Variants in PIWIL3 observed in about 807,000 individuals in gnomAD.
PIWIL3 encodes piwi like RNA-mediated gene silencing 3, also known as piwi-like protein 3.
Under a neutral mutation model 109.7 loss-of-function variants are expected in PIWIL3, and 101 were observed. The observed-to-expected ratio is 0.92, with a 90% CI of 0.78 to 1.09. The LOEUF (loss-of-function observed/expected upper bound fraction) is 1.09. PIWIL3 is among the 50% of genes least tolerant of loss of function. PIWIL3 has a pLI of 0.00. For synonymous variants in PIWIL3, 373 were observed against 376.4 expected (o/e 0.99, Z 0.10); for missense variants, 1,031 against 1,072.6 (o/e 0.96, Z 0.54).
intron 17 of PIWIL3, 33 bp downstream of exon 17, chr22:24,725,412 T>G: frequency 6.2e-7 from 1 of 1,606,142 alleles, no homozygotes; most frequent in South Asian, 1.1e-5. Flanking sequence ...ACTTGTATAG[T>G]GTCGGGTTCC....
At chr22:24,729,204 TTTGTG>T (rs1251993108) in intron 14 of PIWIL3, among the ~76,000 whole-genome samples, 3 of 152,020 alleles carry the variant, frequency 2.0e-5, no homozygotes, top group Non-Finnish European at 4.4e-5. Flanking sequence ...TAGAAAAGCT[TTTGTG>T]TTTAACTGTA....
chr22:24,719,636 T>C, intron 20 of PIWIL3, 48 bp from the exon 21 acceptor site: 1 of 1,540,224 alleles, frequency 6.5e-7, no homozygotes, highest in Non-Finnish European at 8.8e-7. Context: ...TCACTTTACA[T>C]CTACTTTCCC....
In PIWIL3 at chr22:24,754,807, C is replaced by T. The variant is rs1224207983; in HGVS notation, c.750G>A (p.Lys250=). Residue 250 remains lysine, a synonymous_variant, in exon 7 of 21, where the codon AAG becomes AAA. Transcript: ENST00000616349. The part of the protein sequence containing the change: ...QVGRNYYTKK[K]AIQLYRHGTS... ...ACCCATGACGGTATAACTGAATGGCCTTCTTTTTGGTATAATAGTTGCGAC... is the reference window on the plus strand; with the variant it reads ...ACCCATGACGGTATAACTGAATGGCTTTCTTTTTGGTATAATAGTTGCGAC... The T allele has an allele frequency of 3.7e-6, 6 of 1,611,398 alleles. No individual in the cohort carries two copies. The South Asian group carries it at 5.5e-5, about 15-fold the overall frequency.
chr22:24,759,801 T>G, intron 3 of PIWIL3, 68 bp downstream of exon 3: 1 of 1,607,444 alleles, frequency 6.2e-7, no homozygotes, highest in African/African-American at 1.3e-5. Flanking sequence ...TAGAACCTTC[T>G]ACCGCTGTGG....
chr22:24,734,969 G>A (rs887508965), intron 13 of PIWIL3, among the ~76,000 whole-genome samples: 8 of 151,896 alleles, frequency 5.3e-5, no homozygotes, highest in African/African-American at 1.9e-4. Context: ...AGAAGCCGAG[G>A]CTGAGAAGAC....
intron 1 of PIWIL3, among the ~76,000 whole-genome samples, chr22:24,773,180 C>T (rs1926222408): frequency 1.3e-5 from 2 of 152,146 alleles, no homozygotes; most frequent in Non-Finnish European, 2.9e-5. Flanking sequence ...GACACCGGAT[C>T]CTAGGGTTTC....
intron 12 of PIWIL3, among the ~76,000 whole-genome samples, chr22:24,742,151 C>CAA (rs61071998): frequency 0.22 from 21,077 of 94,056 alleles, 2,461 homozygotes; most frequent in Non-Finnish European, 0.27. Flanking sequence ...ACAATAGCTG[C>CAA]AAAAAAAAAA....
chr22:24,751,227 G>T (rs141336637), intron 9 of PIWIL3, among the ~76,000 whole-genome samples, 160 bp downstream of exon 9: 3 of 152,064 alleles, frequency 2.0e-5, no homozygotes, highest in African/African-American at 7.2e-5. Context: ...CTATATACAA[G>T]GCACGTGGAT....
chr22:24,744,529 T>C (rs1053644887), intron 12 of PIWIL3, among the ~76,000 whole-genome samples: 4 of 151,974 alleles, frequency 2.6e-5, no homozygotes, highest in Non-Finnish European at 5.9e-5. Context: ...GCCGAGATCA[T>C]GCCACTGCAC....
chr22:24,740,384 TAAAAACACA>T (rs2147675546), intron 12 of PIWIL3, among the ~76,000 whole-genome samples: 3 of 150,582 alleles, frequency 2.0e-5, no homozygotes, highest in African/African-American at 7.3e-5. Context: ...CCGTCTCTAC[TAAAAACACA>T]AAAAATTAGC....
chr22:24,726,888 C>A (rs1300780202), intron 16 of PIWIL3, among the ~76,000 whole-genome samples: 1 of 152,172 alleles, frequency 6.6e-6, no homozygotes, highest in Non-Finnish European at 1.5e-5. Flanking sequence ...ATTTGCAGGA[C>A]ATACATCAAG....
At chr22:24,728,520 G>T in intron 14 of PIWIL3, 146 bp from the exon 15 acceptor site, 1 of 792,694 alleles carries the variant, frequency 1.3e-6, no homozygotes, top group Non-Finnish European at 2.0e-6. Flanking sequence ...AGAGGGCGAA[G>T]GGTCTAGAGC....
At chr22:24,749,376 C>G in intron 11 of PIWIL3, 28 bp downstream of exon 11, 1 of 1,611,772 alleles carries the variant, frequency 6.2e-7, no homozygotes, top group Non-Finnish European at 8.5e-7. Context: ...CACATGTACA[C>G]ACACTCAGCC....
intron 12 of PIWIL3, among the ~76,000 whole-genome samples, chr22:24,747,950 GA>G (rs1281825041): frequency 6.6e-6 from 1 of 152,126 alleles, no homozygotes; most frequent in African/African-American, 2.4e-5. Context: ...CAAAATAAAG[GA>G]AATTAGGATA....
chr22:24,723,015 G>C, intron 19 of PIWIL3, 115 bp downstream of exon 19: 2 of 1,209,074 alleles, frequency 1.7e-6, no homozygotes, highest in Non-Finnish European at 2.3e-6. Flanking sequence ...GACCAAATTA[G>C]TTCTAAAGAA....
intron 12 of PIWIL3, among the ~76,000 whole-genome samples, chr22:24,740,514 C>G (rs1268111159): frequency 6.7e-6 from 1 of 148,632 alleles, no homozygotes; most frequent in Non-Finnish European, 1.5e-5. Flanking sequence ...TGCCACTGCA[C>G]TCCATCCTGG....
At chr22:24,748,260 A>T (rs974668595) in intron 12 of PIWIL3, among the ~76,000 whole-genome samples, 4 of 152,058 alleles carry the variant, frequency 2.6e-5, no homozygotes, top group African/African-American at 9.7e-5. Context: ...ATAGAGTAGG[A>T]TGGTTACAGA....
At chr22:24,753,896 T>C (rs554319335) in intron 8 of PIWIL3, 118 bp downstream of exon 8, 1 of 832,480 alleles carries the variant, frequency 1.2e-6, no homozygotes, top group East Asian at 2.6e-5. Context: ...TCAGTTGTTC[T>C]TGCAATTTCT....
intron 3 of PIWIL3, 96 bp downstream of exon 3, chr22:24,759,773 G>C: frequency 6.4e-7 from 1 of 1,554,960 alleles, no homozygotes; most frequent in African/African-American, 1.4e-5. Context: ...CAAACCTCAC[G>C]GGAGTCCTGA....
Sources: allele counts gnomAD v4.1 joint callset (sites outside exome capture counted in the v4.1 genomes callset), GRCh38; gene constraint gnomAD v4.1.1; transcripts MANE v1.5; gene names NCBI Gene and HGNC (gene_info 2026-07-23, HGNC 2026-07-21).